SPTBN2: variants seen among roughly 807,000 people sequenced by gnomAD.
SPTBN2 encodes the protein spectrin beta, non-erythrocytic 2, also known as spectrin beta chain, non-erythrocytic 2.
SPTBN2 carries 107 observed loss-of-function variants against 284.2 expected under a neutral mutation model. The observed-to-expected ratio is 0.38, with a 90% CI of 0.32 to 0.44. The LOEUF (loss-of-function observed/expected upper bound fraction) is 0.44, where lower values mean the gene tolerates loss of function less well. SPTBN2 is among the 20% of genes least tolerant of loss of function. SPTBN2 has a pLI of 1.00. For synonymous variants in SPTBN2, 1,289 were observed against 1,354.8 expected (o/e 0.95, Z 1.07); for missense variants, 2,569 against 3,287.1 (o/e 0.78, Z 5.34).
At chr11:66,732,166 G>T (rs1207035029), upstream of SPTBN2, among the ~76,000 whole-genome samples, 1 of 152,178 alleles carries the variant, frequency 6.6e-6, no homozygotes. Flanking sequence ...CAAGAGGTAA[G>T]TATTAACCCC....
intron 15 of SPTBN2, 76 bp from the exon 16 acceptor site, chr11:66,701,797 A>G: frequency 6.2e-7 from 1 of 1,605,792 alleles, no homozygotes; most frequent in East Asian, 2.2e-5. Flanking sequence ...CACCTCTCTT[A>G]AACACCCAGG....
intron 27 of SPTBN2, chr11:66,690,484 G>A: frequency 3.0e-6 from 2 of 661,860 alleles, no homozygotes; most frequent in Non-Finnish European, 5.0e-6. Flanking sequence ...CTAGACACCT[G>A]GGCTTAACTG....
At chr11:66,699,315 TG>T in intron 18 of SPTBN2, 90 bp downstream of exon 18, 1 of 1,514,506 alleles carries the variant, frequency 6.6e-7, no homozygotes, top group Non-Finnish European at 9.1e-7. Flanking sequence ...GCCCCATCTG[TG>T]GGTTTCCTGT....
chr11:66,716,438 C>A (rs981864613), intron 3 of SPTBN2, among the ~76,000 whole-genome samples: 4 of 151,532 alleles, frequency 2.6e-5, no homozygotes, highest in Admixed American at 6.6e-5. Flanking sequence ...CGAGATTGTG[C>A]CACTGCACTC....
At chr11:66,713,483 ATTCCAGAACATTCTC>A in intron 8 of SPTBN2, 133 bp downstream of exon 8, 2 of 748,050 alleles carry the variant, frequency 2.7e-6, no homozygotes, top group Admixed American at 3.7e-5. Flanking sequence ...CCACTTTCTA[ATTCCAGAACATTCTC>A]TTCCCCCACC....
At position 66,687,498 on chromosome 11, in the gene SPTBN2, G is replaced by C; in HGVS notation, c.6651C>G (p.Ala2217=). 6.2e-7 allele frequency: 1 copy of C among 1,611,592 alleles called. No homozygotes were observed. Among genetic ancestry groups the C allele is most frequent in the South Asian group, 1.1e-5 (1 of 91,086 alleles). Residue 2217 remains alanine, a synonymous_variant, in exon 35 of 38, where the codon GCC becomes GCG. Coordinates refer to ENST00000533211, the MANE Select transcript of SPTBN2 (RefSeq NM_006946.4). The surrounding 1 kb of genome is among the most constrained non-coding windows in gnomAD (Gnocchi z 5.2). The part of the protein sequence containing the change: ...TLPPRGPEPS[A]QEQMEGMLCR... ...ACAGCATCCCCTCCATCTGCTCCTG[G>C]GCAGATGGCTCTGGGCCTCGAGGCG...
chr11:66,732,919 T>C (rs1381892088), upstream of SPTBN2, among the ~76,000 whole-genome samples: 2 of 151,062 alleles, frequency 1.3e-5, no homozygotes, highest in Non-Finnish European at 2.9e-5. Flanking sequence ...TGAGCTGAGA[T>C]TGTGCCACTG....
rs1279626553 is a variant in SPTBN2 at position 66,682,519 on chromosome 11, T to A, written c.*3352A>T. The stretch of plus-strand genomic sequence containing the variant: ...AAATAGTTGAAATTCACTTTAATGA[T>A]ACTTTTGAAACCCAATATATCTAAA... On this transcript the variant is annotated 3_prime_UTR_variant, in exon 38 of 38. Transcript: ENST00000533211. 6.6e-6 allele frequency among the ~76,000 whole-genome samples: 1 copy of A among 152,252 alleles called. No homozygotes were observed. Among genetic ancestry groups the A allele is most frequent in the Non-Finnish European group, 1.5e-5 (1 of 68,044 alleles).
chr11:66,740,785 T>A (rs964423187), intron 1 of SPTBN2, among the ~76,000 whole-genome samples: 2 of 152,184 alleles, frequency 1.3e-5, no homozygotes, highest in African/African-American at 4.8e-5. Flanking sequence ...TCCTTTTGCA[T>A]CAGCTTGGAA....
In SPTBN2 at chr11:66,684,214, G is replaced by A. The variant is rs1006851510; in HGVS notation, c.*1657C>T. On this transcript the variant is annotated 3_prime_UTR_variant, in exon 38 of 38. Transcript: ENST00000533211. The stretch of plus-strand genomic sequence containing the variant: ...AATGAAAGAACACGCTTTTCCTGTT[G>A]GAGGCCACCAAGGAGTGCCCACTTC... Among the ~76,000 whole-genome samples the A allele has an allele frequency of 2.0e-5, 3 of 152,212 alleles. No homozygotes were observed. Among genetic ancestry groups the A allele is most frequent in the African/African-American group, 7.2e-5 (3 of 41,462 alleles).
rs1940323398 is a variant in SPTBN2, at chr11:66,688,715, C to A, written c.6169G>T (p.Ala2057Ser). 16 of 1,613,784 alleles carry A rather than the reference C, an allele frequency of 9.9e-6. No homozygotes were observed. Among genetic ancestry groups the A allele is most frequent in the Non-Finnish European group, 1.1e-5 (13 of 1,180,034 alleles). ...CAGGCCACTGCTGACTTCTGGAAGG[C>A]CTCGTGCCGCTTGATGAGGCTCTCA... ...EVESLIKRHE[A>S]FQKSAVAWEE... Residue 2057 changes from alanine (A) to serine (S), a missense_variant, in exon 31 of 38, where the codon GCC becomes TCC. Physicochemically the swap from Ala to Ser is moderately conservative, Grantham distance 99. Transcript: ENST00000533211.
intron 1 of SPTBN2, chr11:66,744,427 A>T (rs1942939361): frequency 6.3e-6 from 1 of 158,068 alleles, no homozygotes; most frequent in Non-Finnish European, 1.4e-5. Flanking sequence ...GGTCCTGGAA[A>T]GCGCGAAGGG....
At chr11:66,702,466 A>G (rs1244925139) in intron 15 of SPTBN2, among the ~76,000 whole-genome samples, 3 of 151,158 alleles carry the variant, frequency 2.0e-5, no homozygotes, top group Non-Finnish European at 4.4e-5. Flanking sequence ...CGCCTGGCCG[A>G]CATTTGATGT....
In SPTBN2 at chr11:66,704,663, C is replaced by CT; in HGVS notation, c.2612dup (p.Glu872GlyfsTer11). Reference sequence around the variant, plus strand: ...GGGCCAGCCCGTTGAGCCACTGCTCCTTCTCCTCCACCCAGAGTCCACAGG... The same window carrying CT: ...GGGCCAGCCCGTTGAGCCACTGCTCCTTTCTCCTCCACCCAGAGTCCACAGG... On this transcript the variant is annotated frameshift_variant, in exon 15 of 38. Coordinates refer to ENST00000533211, the MANE Select transcript of SPTBN2 (RefSeq NM_006946.4). LOFTEE classifies it high-confidence loss of function. 1 of 1,611,992 alleles carries CT rather than the reference C, an allele frequency of 6.2e-7. No individual in the cohort carries two copies. The highest frequency in any genetic ancestry group is 8.5e-7 in the Non-Finnish European group (1 of 1,179,530).
chr11:66,689,101 T>C lies in SPTBN2; in HGVS notation c.6029A>G (p.Gln2010Arg). Residue 2010 changes from glutamine (Q) to arginine (R), a missense_variant, in exon 30 of 38, where the codon CAG becomes CGG. Transcript: ENST00000533211. ...EKWQEKMDWL[Q>R]LVLEVLVFGR... ...GGGCCCCCTTGGCAGCTCACCCAGC[T>C]GAAGCCAGTCCATCTTCTCCTGCCA... 1 of 1,607,264 alleles carries C rather than the reference T, an allele frequency of 6.2e-7. No individual in the cohort carries two copies. The highest frequency in any genetic ancestry group is 8.5e-7 in the Non-Finnish European group (1 of 1,176,546).
At chr11:66,722,411 T>C (rs978460010) in intron 1 of SPTBN2, among the ~76,000 whole-genome samples, 1 of 150,276 alleles carries the variant, frequency 6.7e-6, no homozygotes, top group Non-Finnish European at 1.5e-5. Flanking sequence ...CCGTCTCTAC[T>C]AAAAAATACA....
rs1565116622 is a variant in SPTBN2, at chr11:66,691,662, G to A, written c.5191-4C>T. Reference sequence around the variant, plus strand: ...CTCGGAATTTGTCTCGGAGCATCTGGTAGAGGAAGCAGATGGACAGACCAT... The same window carrying A: ...CTCGGAATTTGTCTCGGAGCATCTGATAGAGGAAGCAGATGGACAGACCAT... On this transcript the variant is annotated splice_polypyrimidine_tract_variant and splice_region_variant and intron_variant, in intron 26 of 37. Transcript: ENST00000533211. The surrounding 1 kb of genome is among the most constrained non-coding windows in gnomAD (Gnocchi z 8.0). 2 of 1,613,520 alleles carry A rather than the reference G, an allele frequency of 1.2e-6. No homozygotes were observed. The highest frequency in any genetic ancestry group is 1.1e-5 in the South Asian group (1 of 91,090).
chr11:66,705,624 CG>C, intron 14 of SPTBN2, 59 bp downstream of exon 14: 1 of 1,605,354 alleles, frequency 6.2e-7, no homozygotes, highest in South Asian at 1.1e-5. Context: ...CCTTCCACCT[CG>C]GCTCTTGATG....
Position 66,689,082 on chromosome 11 carries a change from C to T in SPTBN2, c.6034+14G>A, listed in dbSNP as rs1308884156. On this transcript the variant is annotated intron_variant, in intron 30 of 37. Coordinates refer to ENST00000533211, the MANE Select transcript of SPTBN2 (RefSeq NM_006946.4). ...CCACTCCCCACAGGGCCTGGGGCCC[C>T]CTTGGCAGCTCACCCAGCTGAAGCC... 1 of 1,601,236 alleles carries T rather than the reference C, an allele frequency of 6.2e-7. No homozygotes were observed. The highest frequency in any genetic ancestry group is 1.1e-5 in the South Asian group (1 of 89,218).
Sources: allele counts gnomAD v4.1 joint callset (sites outside exome capture counted in the v4.1 genomes callset), GRCh38; gene constraint gnomAD v4.1.1; non-coding constraint Gnocchi (gnomAD v3.1); transcripts MANE v1.5; gene names NCBI Gene and HGNC (gene_info 2026-07-23, HGNC 2026-07-21).